Variants in TRDN observed in about 807,000 individuals in gnomAD.
TRDN encodes triadin.
In TRDN, 161 loss-of-function variants were observed where a neutral mutation model predicts 149.7. The ratio of observed to expected loss-of-function variants is 1.08; its 90% confidence interval spans 0.95 to 1.23. The LOEUF (loss-of-function observed/expected upper bound fraction) is 1.23. Ranked by LOEUF, TRDN falls within the 50% of genes most tolerant of loss-of-function variation. TRDN has a pLI of 0.00. For missense variants in TRDN, 896 were observed against 823.5 expected, an observed-to-expected ratio of 1.09 and a Z score of -1.08; for synonymous variants, 294 against 250.5, an observed-to-expected ratio of 1.17 and a Z score of -1.64.
chr6:123,385,984 C>T (rs1781893068), intron 14 of TRDN, among the ~76,000 whole-genome samples: 6 of 152,048 alleles, frequency 3.9e-5, no homozygotes, highest in Admixed American at 3.9e-4. Context: ...AAAACAGGTA[C>T]CTATTCATAT....
chr6:123,577,526 T>C (rs1045120125), intron 1 of TRDN, among the ~76,000 whole-genome samples: 1 of 152,218 alleles, frequency 6.6e-6, no homozygotes. Context: ...ATGTACCACA[T>C]TTTCTTTATT....
rs975316966 is a variant in TRDN, at chr6:123,354,811, C to T, written c.1322-2225G>A. Reference sequence around the variant, plus strand: ...AGAACTTCTCCAGAATTTCAGGCACCAGCAATAGGACTCTGGAAGCACAAG... The same window carrying T: ...AGAACTTCTCCAGAATTTCAGGCACTAGCAATAGGACTCTGGAAGCACAAG... On this transcript the variant is annotated intron_variant, in intron 20 of 40. Coordinates refer to ENST00000334268, the MANE Select transcript of TRDN (RefSeq NM_006073.4). 6.0e-4 allele frequency among the ~76,000 whole-genome samples: 91 copies of T among 151,642 alleles called. 1 individual carries two copies. Among genetic ancestry groups the T allele is most frequent in the Admixed American group, 5.9e-3 (90 of 15,218 alleles).
intron 6 of TRDN, among the ~76,000 whole-genome samples, chr6:123,513,984 C>T (rs1382426548): frequency 6.6e-6 from 1 of 152,066 alleles, no homozygotes; most frequent in Non-Finnish European, 1.5e-5. Context: ...CACCCTAAAA[C>T]AATGGCAAAA....
chr6:123,470,913 C>G (rs1203318344), intron 9 of TRDN: 2 of 152,076 alleles, frequency 1.3e-5, no homozygotes, highest in South Asian at 2.1e-4. Context: ...CAGTACCAGA[C>G]CCTTTTCTAG....
chr6:123,476,141 A>C (rs1237510323), intron 9 of TRDN, among the ~76,000 whole-genome samples: 1 of 119,184 alleles, frequency 8.4e-6, no homozygotes, highest in Non-Finnish European at 1.8e-5. Flanking sequence ...AGATGACATG[A>C]TTGTATATCT....
intron 38 of TRDN, among the ~76,000 whole-genome samples, chr6:123,231,669 C>G (rs1406452622): frequency 6.6e-6 from 1 of 151,746 alleles, no homozygotes; most frequent in Non-Finnish European, 1.5e-5. Flanking sequence ...ATATATGGCC[C>G]AATCATTTTA....
At chr6:123,437,829 T>C (rs995768801) in intron 12 of TRDN, among the ~76,000 whole-genome samples, 1 of 152,092 alleles carries the variant, frequency 6.6e-6, no homozygotes, top group Admixed American at 6.5e-5. Flanking sequence ...CCTGCGTTTT[T>C]TTGGGGGGGA....
chr6:123,309,548 G>A (rs544519242), intron 24 of TRDN, among the ~76,000 whole-genome samples: 2 of 152,114 alleles, frequency 1.3e-5, no homozygotes, highest in South Asian at 4.2e-4. Flanking sequence ...TAAAATTCAT[G>A]TATCGCTAGT....
At chr6:123,456,329 C>T (rs920847228) in intron 10 of TRDN, among the ~76,000 whole-genome samples, 1 of 152,152 alleles carries the variant, frequency 6.6e-6, no homozygotes, top group South Asian at 2.1e-4. Flanking sequence ...TGAACTGATG[C>T]ACTACATGAG....
Position 123,570,962 on chromosome 6 carries a change from T to C in TRDN, c.193A>G (p.Ile65Val). 3 of 1,613,958 alleles carry C rather than the reference T, an allele frequency of 1.9e-6. No homozygotes were observed. The highest frequency in any genetic ancestry group is 2.5e-6 in the Non-Finnish European group (3 of 1,179,854). ...TAATCCACTAAATCAAACATAACGA[T>C]GGCAACAGCTGACCACGTGATTATC... Reference protein sequence around the residue: ...ALIITWSAVAIVMFDLVDYKN... With the variant: ...ALIITWSAVAVVMFDLVDYKN... The change falls in exon 2 of 41, where the codon ATC becomes GTC. Residue 65 changes from isoleucine (I) to valine (V), a missense_variant. Transcript: ENST00000334268.
At chr6:123,559,241 G>A (rs996946895) in intron 2 of TRDN, among the ~76,000 whole-genome samples, 3 of 152,022 alleles carry the variant, frequency 2.0e-5, no homozygotes, top group African/African-American at 4.8e-5. Flanking sequence ...TCTTTTCAAG[G>A]GCCTGTTTCC....
intron 10 of TRDN, among the ~76,000 whole-genome samples, chr6:123,455,014 A>G (rs1776020479): frequency 6.6e-6 from 1 of 152,158 alleles, no homozygotes; most frequent in South Asian, 2.1e-4. Flanking sequence ...AGATAGATAT[A>G]CTCTGTGAAA....
intron 10 of TRDN, chr6:123,457,448 C>A: frequency 3.0e-6 from 1 of 334,944 alleles, no homozygotes; most frequent in South Asian, 2.6e-5. Flanking sequence ...AAATCAAAAC[C>A]AATATAACAA....
intron 9 of TRDN, among the ~76,000 whole-genome samples, chr6:123,469,331 G>A (rs1223793908): frequency 6.6e-6 from 1 of 152,114 alleles, no homozygotes; most frequent in Non-Finnish European, 1.5e-5. Flanking sequence ...CTTCTGTCTT[G>A]TACTTTTGGA....
At chr6:123,367,927 AAC>A (rs780500714) in intron 19 of TRDN, among the ~76,000 whole-genome samples, 4 of 152,160 alleles carry the variant, frequency 2.6e-5, no homozygotes, top group Non-Finnish European at 2.9e-5. Flanking sequence ...TCTAGCAGAA[AAC>A]AGAGTCCATA....
intron 1 of TRDN, among the ~76,000 whole-genome samples, chr6:123,582,163 G>A (rs1230767694): frequency 6.6e-6 from 1 of 152,146 alleles, no homozygotes; most frequent in African/African-American, 2.4e-5. Context: ...AGAAGAGTGA[G>A]ACAACTCGAA....
chr6:123,231,531 A>C (rs1389955985), intron 38 of TRDN, among the ~76,000 whole-genome samples: 3 of 152,044 alleles, frequency 2.0e-5, no homozygotes, highest in Admixed American at 2.0e-4. Context: ...ATAGGTATAG[A>C]AAATGATCAC....
chr6:123,248,782 A>C (rs13215690), intron 38 of TRDN, among the ~76,000 whole-genome samples: 43,882 of 151,892 alleles, frequency 0.29, 6,755 homozygotes, highest in Non-Finnish European at 0.34. Context: ...GTCAAATTCT[A>C]TGAAACATAG....
At chr6:123,576,701 T>C (rs1334500634) in intron 1 of TRDN, among the ~76,000 whole-genome samples, 1 of 152,030 alleles carries the variant, frequency 6.6e-6, no homozygotes, top group Non-Finnish European at 1.5e-5. Context: ...TCAATGTGTA[T>C]TTTGGAGAGA....
Sources: gnomAD v4.1 joint callset for allele counts (sites outside exome capture counted in the v4.1 genomes callset) on GRCh38, gnomAD v4.1.1 for gene constraint, MANE v1.5 for transcripts, NCBI Gene and HGNC (gene_info 2026-07-23, HGNC 2026-07-21) for gene names.